Variants in DAB1 observed in about 807,000 individuals in gnomAD.
DAB1 encodes the protein disabled homolog 1.
Under a neutral mutation model 64.6 loss-of-function variants are expected in DAB1, and 15 were observed. That is an observed-to-expected ratio of 0.23 (90% CI 0.16 to 0.36). The LOEUF (loss-of-function observed/expected upper bound fraction) is 0.36. Ranked by LOEUF, DAB1 falls within the 10% of genes least tolerant of loss-of-function variation. The pLI is 1.00. For synonymous variants in DAB1, 235 were observed against 251.9 expected, an observed-to-expected ratio of 0.93 and a Z score of 0.64; for missense variants, 596 against 706.7, an observed-to-expected ratio of 0.84 and a Z score of 1.78.
intron 3 of DAB1, among the ~76,000 whole-genome samples, chr1:58,469,384 A>G (rs540930952): frequency 6.6e-6 from 1 of 151,374 alleles, no homozygotes; most frequent in Admixed American, 6.7e-5. Flanking sequence ...AGAGTCTGGC[A>G]CCAACAGTAG....
At position 57,907,657 on chromosome 1, in the gene DAB1, G is replaced by C. The variant is rs186794841; in HGVS notation, n.388-23495C>G. On this transcript the variant is annotated intron_variant and non_coding_transcript_variant, in intron 5 of 20. Transcript: ENST00000485760. ...AGTTAATCCCCTGCCCCAGGTTACAGCAATTAGTTGGCAGCATCAGTAGCA... is the reference window on the plus strand; with the variant it reads ...AGTTAATCCCCTGCCCCAGGTTACACCAATTAGTTGGCAGCATCAGTAGCA... Among the ~76,000 whole-genome samples the C allele has an allele frequency of 7.9e-5, 12 of 152,216 alleles. No homozygotes were observed. The East Asian group carries it at 2.1e-3, about 27-fold the overall frequency.
rs373966683 is a variant in DAB1 at position 57,968,575 on chromosome 1, C to T, written n.388-84413G>A. Among the ~76,000 whole-genome samples the T allele has an allele frequency of 3.3e-5, 5 of 152,092 alleles. No individual in the cohort carries two copies. The East Asian group carries it at 5.8e-4, about 18-fold the overall frequency. On this transcript the variant is annotated intron_variant and non_coding_transcript_variant, in intron 5 of 20. Coordinates refer to the DAB1 transcript ENST00000485760. ...GCAGAAAGTATAAATTTAAGAATTG[C>T]GGTAGAACACAGATGCATGAGTCAG...
chr1:58,130,638 T>G (rs1262739461), intron 5 of DAB1, among the ~76,000 whole-genome samples: 5 of 152,060 alleles, frequency 3.3e-5, no homozygotes, highest in Non-Finnish European at 5.9e-5. Flanking sequence ...CAGGAGCTCT[T>G]GTAAGGCAGG....
chr1:58,158,473 G>A (rs1655337106), intron 4 of DAB1, among the ~76,000 whole-genome samples: 1 of 152,088 alleles, frequency 6.6e-6, no homozygotes, highest in South Asian at 2.1e-4. Context: ...CATCCAGGAT[G>A]GTCCCCCACC....
At chr1:58,439,100 C>A (rs1485395808) in intron 3 of DAB1, among the ~76,000 whole-genome samples, 1 of 139,830 alleles carries the variant, frequency 7.2e-6, no homozygotes, top group South Asian at 2.7e-4. Flanking sequence ...ACCCACCCAC[C>A]CAACGTCATA....
intron 3 of DAB1, chr1:58,474,031 T>A (rs548420507): frequency 2.5e-6 from 2 of 797,280 alleles, no homozygotes; most frequent in Non-Finnish European, 3.8e-6. Flanking sequence ...AAACTTCTAC[T>A]TCATGGTGGC....
intron 3 of DAB1, among the ~76,000 whole-genome samples, chr1:58,433,515 T>C (rs1644901657): frequency 6.6e-6 from 1 of 151,706 alleles, no homozygotes; most frequent in African/African-American, 2.4e-5. Context: ...CAAGAGACTT[T>C]GTGCTGCGAC....
intron 7 of DAB1, among the ~76,000 whole-genome samples, chr1:57,589,868 A>G (rs1259388477): frequency 2.0e-5 from 3 of 152,138 alleles, no homozygotes; most frequent in Admixed American, 6.6e-5. Flanking sequence ...ATAACAATAC[A>G]CTTTTTATTT....
At chr1:57,410,499 C>T (rs886664212) in intron 1 of DAB1, among the ~76,000 whole-genome samples, 1 of 152,148 alleles carries the variant, frequency 6.6e-6, no homozygotes, top group Non-Finnish European at 1.5e-5. Flanking sequence ...AGACACATAC[C>T]TTGGAAAGGC....
intron 5 of DAB1, among the ~76,000 whole-genome samples, chr1:58,077,699 A>T (rs1649741045): frequency 6.6e-6 from 1 of 152,180 alleles, no homozygotes; most frequent in South Asian, 2.1e-4. Context: ...TATTCCTCAA[A>T]CCCAACTACT....
At chr1:57,371,256 G>A (rs574428049) in intron 1 of DAB1, among the ~76,000 whole-genome samples, 20 of 152,254 alleles carry the variant, frequency 1.3e-4, no homozygotes, top group Middle Eastern at 3.4e-3. Context: ...GGTGGCCACC[G>A]TCGAGTATCC....
chr1:57,341,005 T>A (rs1677530544), intron 1 of DAB1, among the ~76,000 whole-genome samples: 1 of 152,180 alleles, frequency 6.6e-6, no homozygotes, highest in African/African-American at 2.4e-5. Flanking sequence ...GGGTTTTGAC[T>A]GGCAGCCAGC....
intron 6 of DAB1, among the ~76,000 whole-genome samples, chr1:57,763,432 C>G (rs927589981): frequency 2.0e-5 from 3 of 152,068 alleles, no homozygotes; most frequent in Non-Finnish European, 4.4e-5. Context: ...AACCCCAACA[C>G]TTTTTGGGGC....
chr1:58,390,211 G>A (rs1644465088), intron 3 of DAB1, among the ~76,000 whole-genome samples: 1 of 152,070 alleles, frequency 6.6e-6, no homozygotes, highest in Admixed American at 6.5e-5. Flanking sequence ...CCAGGCGGAA[G>A]ACACACACAC....
At chr1:58,225,725 C>T (rs1411359501) in intron 4 of DAB1, among the ~76,000 whole-genome samples, 1 of 148,538 alleles carries the variant, frequency 6.7e-6, no homozygotes, top group Non-Finnish European at 1.5e-5. Context: ...AAAAACCAAA[C>T]ACCCATGTTC....
intron 4 of DAB1, among the ~76,000 whole-genome samples, chr1:58,230,529 C>G (rs1659727565): frequency 6.6e-6 from 1 of 152,182 alleles, no homozygotes; most frequent in Non-Finnish European, 1.5e-5. Flanking sequence ...TATTGAACGA[C>G]AGTCAGCTGG....
Position 57,280,812 on chromosome 1 carries a change from T to C in DAB1, c.67+10152A>G, listed in dbSNP as rs935035920. 3.9e-5 allele frequency among the ~76,000 whole-genome samples: 6 copies of C among 152,060 alleles called. 1 individual carries two copies. The highest frequency in any genetic ancestry group is 5.9e-5 in the Non-Finnish European group (4 of 68,018). On this transcript the variant is annotated intron_variant, in intron 2 of 14. Transcript: ENST00000371236. ...CTCAAGAGCCAACTCTTAGGGGAGATTTTTTTAAATTTTTTTTCTCCTTGT... is the reference window on the plus strand; with the variant it reads ...CTCAAGAGCCAACTCTTAGGGGAGACTTTTTTAAATTTTTTTTCTCCTTGT...
intron 2 of DAB1, among the ~76,000 whole-genome samples, chr1:57,186,447 T>C (rs189675096): frequency 2.0e-5 from 3 of 152,298 alleles, no homozygotes; most frequent in Non-Finnish European, 2.9e-5. Flanking sequence ...AAAACATTAT[T>C]TATTAGTGGG....
intron 7 of DAB1, among the ~76,000 whole-genome samples, chr1:57,440,733 AC>A (rs2101132324): frequency 6.6e-6 from 1 of 152,350 alleles, no homozygotes; most frequent in Non-Finnish European, 1.5e-5. Flanking sequence ...GGGAATATCC[AC>A]AGGGTAATCA....
Sources: allele counts gnomAD v4.1 joint callset (sites outside exome capture counted in the v4.1 genomes callset), GRCh38; gene constraint gnomAD v4.1.1; transcripts MANE v1.5; gene names NCBI Gene and HGNC (gene_info 2026-07-23, HGNC 2026-07-21).